OXCT1: variants seen among roughly 807,000 people sequenced by gnomAD.
OXCT1 encodes succinyl-CoA:3-ketoacid coenzyme A transferase 1, mitochondrial.
Under a neutral mutation model 69.6 loss-of-function variants are expected in OXCT1, and 27 were observed. The ratio of observed to expected loss-of-function variants is 0.39; its 90% confidence interval spans 0.29 to 0.54. The LOEUF (loss-of-function observed/expected upper bound fraction) is 0.54. OXCT1 is among the 20% of genes least tolerant of loss of function. The pLI is 0.72. For synonymous variants in OXCT1, 202 were observed against 217.8 expected, an observed-to-expected ratio of 0.93 and a Z score of 0.64; for missense variants, 437 against 650.2, an observed-to-expected ratio of 0.67 and a Z score of 3.57.
At chr5:41,767,613 T>TGAA (rs1446643315) in intron 13 of OXCT1, among the ~76,000 whole-genome samples, 2 of 150,496 alleles carry the variant, frequency 1.3e-5, no homozygotes, top group East Asian at 3.9e-4. Flanking sequence ...ACTGTGCCCT[T>TGAA]GAAGTGAGAA....
At chr5:41,836,642 C>T (rs1048165834) in intron 7 of OXCT1, among the ~76,000 whole-genome samples, 1 of 152,114 alleles carries the variant, frequency 6.6e-6, no homozygotes, top group Admixed American at 6.5e-5. Flanking sequence ...TAGTTAGATT[C>T]TCATAAGGAG....
chr5:41,846,562 T>G (rs555411659), intron 5 of OXCT1, among the ~76,000 whole-genome samples: 1 of 151,740 alleles, frequency 6.6e-6, no homozygotes, highest in East Asian at 1.9e-4. Context: ...TCCAAGTCTT[T>G]GCTATTGTGA....
chr5:41,794,192 C>A (rs1205536461), intron 12 of OXCT1, 114 bp from the exon 13 acceptor site: 1 of 771,936 alleles, frequency 1.3e-6, no homozygotes, highest in East Asian at 2.5e-5. Flanking sequence ...GCTTCCCCCA[C>A]CACACAACTG....
intron 14 of OXCT1, among the ~76,000 whole-genome samples, chr5:41,752,822 C>G (rs1157841024): frequency 6.6e-6 from 1 of 152,024 alleles, no homozygotes; most frequent in East Asian, 1.9e-4. Context: ...TACTTATTAA[C>G]TTCATCACAA....
chr5:41,868,852 T>C (rs1046320910), intron 1 of OXCT1, among the ~76,000 whole-genome samples: 6 of 152,188 alleles, frequency 3.9e-5, no homozygotes, highest in South Asian at 2.1e-4. Flanking sequence ...TAATGAGATA[T>C]AGCAGAACCC....
intron 9 of OXCT1, among the ~76,000 whole-genome samples, chr5:41,804,066 C>T (rs757404818): frequency 6.6e-6 from 1 of 151,976 alleles, no homozygotes; most frequent in Non-Finnish European, 1.5e-5. Context: ...TATATGGTGC[C>T]ATATTATAAA....
At chr5:41,823,468 T>C (rs1747660882) in intron 7 of OXCT1, among the ~76,000 whole-genome samples, 1 of 152,206 alleles carries the variant, frequency 6.6e-6, no homozygotes, top group African/African-American at 2.4e-5. Flanking sequence ...TGAGCTTTTC[T>C]ACCCCAGGAC....
At chr5:41,747,609 T>C (rs1743561312) in intron 15 of OXCT1, among the ~76,000 whole-genome samples, 1 of 151,864 alleles carries the variant, frequency 6.6e-6, no homozygotes. Context: ...TTAGGGAAGA[T>C]TAGCTAGATG....
At chr5:41,818,914 G>C (rs1248285497) in intron 7 of OXCT1, among the ~76,000 whole-genome samples, 4 of 146,002 alleles carry the variant, frequency 2.7e-5, no homozygotes, top group Non-Finnish European at 6.0e-5. Flanking sequence ...TTTGAAAAGT[G>C]ACTCGTTTAA....
chr5:41,747,427 G>A (rs970166310), intron 15 of OXCT1, among the ~76,000 whole-genome samples: 5 of 152,100 alleles, frequency 3.3e-5, no homozygotes, highest in African/African-American at 1.2e-4. Flanking sequence ...TATTCACTGA[G>A]TATGGGTTGG....
At chr5:41,817,628 T>C (rs544953531) in intron 7 of OXCT1, among the ~76,000 whole-genome samples, 1 of 152,344 alleles carries the variant, frequency 6.6e-6, no homozygotes, top group African/African-American at 2.4e-5. Flanking sequence ...GTACTTGCTA[T>C]ATCCATCCTT....
At chr5:41,738,537 A>G (rs574445426) in intron 16 of OXCT1, among the ~76,000 whole-genome samples, 1 of 152,330 alleles carries the variant, frequency 6.6e-6, no homozygotes, top group East Asian at 1.9e-4. Flanking sequence ...AGGCCTCCCC[A>G]GCCATGTGGA....
chr5:41,788,756 T>C (rs762352130), intron 13 of OXCT1, among the ~76,000 whole-genome samples: 11 of 152,144 alleles, frequency 7.2e-5, no homozygotes, highest in African/African-American at 2.7e-4. Flanking sequence ...CACAGAACAC[T>C]TGAACAATAC....
chr5:41,826,669 C>T (rs1747821922), intron 7 of OXCT1, among the ~76,000 whole-genome samples: 2 of 152,126 alleles, frequency 1.3e-5, no homozygotes, highest in African/African-American at 4.8e-5. Flanking sequence ...TAAGCCTCCT[C>T]AGGATTAGTC....
chr5:41,859,907 T>TATATGTAATATATATATATATAC (rs1304074270), intron 3 of OXCT1, among the ~76,000 whole-genome samples: 4 of 138,476 alleles, frequency 2.9e-5, no homozygotes, highest in Non-Finnish European at 6.2e-5. Context: ...TATATATATA[T>TATATGTAATATATATATATATAC]ACACACACAC....
intron 11 of OXCT1, among the ~76,000 whole-genome samples, chr5:41,795,178 A>G (rs1163765880): frequency 2.0e-5 from 3 of 152,156 alleles, no homozygotes; most frequent in Non-Finnish European, 2.9e-5. Context: ...TGCACAGTTT[A>G]CAATGGGTTC....
chr5:41,830,944 T>G (rs1490447419), intron 7 of OXCT1, among the ~76,000 whole-genome samples: 1 of 152,198 alleles, frequency 6.6e-6, no homozygotes, highest in Non-Finnish European at 1.5e-5. Context: ...ATAATGAAAA[T>G]TAAATGTTCA....
chr5:41,825,504 C>A (rs750014533), intron 7 of OXCT1, among the ~76,000 whole-genome samples: 10 of 152,164 alleles, frequency 6.6e-5, no homozygotes, highest in Non-Finnish European at 1.5e-4. Flanking sequence ...TATAAAAATT[C>A]AATAAGGCAA....
intron 7 of OXCT1, among the ~76,000 whole-genome samples, chr5:41,823,181 A>C (rs1747644601): frequency 6.6e-6 from 1 of 152,220 alleles, no homozygotes. Context: ...TGGTATCCCC[A>C]GCACTTGTCT....
Sources: gnomAD v4.1 joint callset for allele counts (sites outside exome capture counted in the v4.1 genomes callset) on GRCh38, gnomAD v4.1.1 for gene constraint, MANE v1.5 for transcripts, NCBI Gene and HGNC (gene_info 2026-07-23, HGNC 2026-07-21) for gene names.